Variants in IBTK observed in about 807,000 individuals in gnomAD.
IBTK encodes the protein BTK-binding protein.
In IBTK, 83 loss-of-function variants were observed where a neutral mutation model predicts 154.9. The observed-to-expected ratio is 0.54, with a 90% CI of 0.45 to 0.64. IBTK has a LOEUF of 0.64. Among genes scored for constraint, IBTK ranks in the 30% least tolerant of loss-of-function variants. The pLI is 0.00. For synonymous variants in IBTK, 515 were observed against 536.1 expected, an observed-to-expected ratio of 0.96 and a Z score of 0.54; for missense variants, 1,332 against 1,584.6, an observed-to-expected ratio of 0.84 and a Z score of 2.71.
chr6:82,184,938 T>C (rs1768484017), intron 25 of IBTK, among the ~76,000 whole-genome samples: 4 of 152,040 alleles, frequency 2.6e-5, no homozygotes, highest in South Asian at 4.1e-4. Context: ...TCCCAGCACT[T>C]TGGGAGGCCA....
At chr6:82,226,807 T>C (rs1214717195) in intron 5 of IBTK, among the ~76,000 whole-genome samples, 2 of 152,116 alleles carry the variant, frequency 1.3e-5, no homozygotes, top group Non-Finnish European at 2.9e-5. Flanking sequence ...GGTTTCTCCA[T>C]GTTGGCCAGG....
intron 11 of IBTK, among the ~76,000 whole-genome samples, chr6:82,215,255 TGAC>T (rs982265403): frequency 6.6e-6 from 1 of 152,076 alleles, no homozygotes; most frequent in African/African-American, 2.4e-5. Context: ...GGATGGATGA[TGAC>T]CCTACTTGCA....
At chr6:82,192,976 T>C (rs1306696528) in intron 23 of IBTK, among the ~76,000 whole-genome samples, 2 of 151,414 alleles carry the variant, frequency 1.3e-5, no homozygotes, top group Non-Finnish European at 2.9e-5. Flanking sequence ...CACGCGCCTG[T>C]AGTCCCAGCT....
At position 82,170,818 on chromosome 6, in the gene IBTK, T is replaced by C. The variant is rs1165982833; in HGVS notation, c.*607A>G. The stretch of plus-strand genomic sequence containing the variant: ...TTCTTATTCCCTTTCCACTGTACTC[T>C]ACTGCTCAATGCAAAATGGAGAATA... On this transcript the variant is annotated 3_prime_UTR_variant, in exon 29 of 29. Coordinates refer to ENST00000306270, the MANE Select transcript of IBTK (RefSeq NM_015525.4). 1 of 152,492 alleles carries C rather than the reference T, an allele frequency of 6.6e-6. No individual in the cohort carries two copies. Among genetic ancestry groups the C allele is most frequent in the African/African-American group, 2.4e-5 (1 of 41,452 alleles). 9.4% of individuals were successfully genotyped at this position (152,492 alleles called of 1,614,324 possible). A position where few individuals can be genotyped will look rare whatever the true frequency, so the allele number is the denominator to read the frequency against.
intron 25 of IBTK, among the ~76,000 whole-genome samples, chr6:82,186,802 GTACTAAGA>G (rs1423790716): frequency 6.6e-6 from 1 of 151,228 alleles, no homozygotes; most frequent in Non-Finnish European, 1.5e-5. Flanking sequence ...TTTTCTTAGT[GTACTAAGA>G]TACATAAAAC....
intron 1 of IBTK, among the ~76,000 whole-genome samples, chr6:82,245,981 A>C (rs531521551): frequency 6.0e-4 from 92 of 152,334 alleles, no homozygotes; most frequent in African/African-American, 2.2e-3. Context: ...TTTATACATT[A>C]TACACAGTGC....
At chr6:82,195,533 A>G (rs1307523717) in intron 22 of IBTK, among the ~76,000 whole-genome samples, 5 of 151,992 alleles carry the variant, frequency 3.3e-5, no homozygotes, top group Non-Finnish European at 5.9e-5. Flanking sequence ...AGCTGATACT[A>G]TACCACTGCA....
Position 82,201,397 on chromosome 6 carries a change from G to A in IBTK, c.2790+25C>T, listed in dbSNP as rs116532324. The stretch of plus-strand genomic sequence containing the variant: ...CTTAAGCTGGTAATATTATAGCCGC[G>A]AAAATCTTAAAACATAAACCTTACC... On this transcript the variant is annotated intron_variant, in intron 19 of 28. Transcript: ENST00000306270. The A allele has an allele frequency of 1.5e-4, 233 of 1,569,314 alleles. 1 individual carries two copies. The African/African-American group carries it at 2.2e-3, about 15-fold the overall frequency.
intron 26 of IBTK, among the ~76,000 whole-genome samples, chr6:82,178,855 A>T (rs1035410339): frequency 1.3e-5 from 2 of 152,240 alleles, no homozygotes; most frequent in African/African-American, 2.4e-5. Flanking sequence ...GGAAAGAAGG[A>T]AAGTGCATTT....
At chr6:82,175,849 G>C (rs1019741955) in intron 26 of IBTK, among the ~76,000 whole-genome samples, 6 of 152,040 alleles carry the variant, frequency 3.9e-5, no homozygotes, top group African/African-American at 1.4e-4. Flanking sequence ...GACCAACATG[G>C]AGAAATCCCA....
chr6:82,182,350 T>TA (rs918436450), intron 25 of IBTK, among the ~76,000 whole-genome samples: 5 of 151,662 alleles, frequency 3.3e-5, no homozygotes, highest in Non-Finnish European at 5.9e-5. Context: ...AAGAAACTAT[T>TA]AAAAAAAGAG....
At position 82,231,791 on chromosome 6, in the gene IBTK, T is replaced by C. The variant is rs1345710691; in HGVS notation, c.470A>G (p.His157Arg). The C allele has an allele frequency of 6.2e-7, 1 of 1,606,518 alleles. No homozygotes were observed. Among genetic ancestry groups the C allele is most frequent in the Non-Finnish European group, 8.5e-7 (1 of 1,174,816 alleles). The change falls in exon 4 of 29, where the codon CAT (histidine) becomes CGT (arginine). Residue 157 changes from histidine to arginine, a missense_variant. His to Arg is a conservative substitution (Grantham distance 29, BLOSUM62 0). Around this residue, in one of 3 missense-constraint regions of IBTK, gnomAD observed 114 missense variants for 213.7 expected, o/e 0.53. Coordinates refer to ENST00000306270, the MANE Select transcript of IBTK (RefSeq NM_015525.4). ...ATGATGTTTGCTATTCTGGCTTCCA[T>C]GACCCAGGGTAAAATTTGTATTATC... is the stretch of plus-strand genomic sequence containing the variant. ...WGDNTNFTLG[H>R]GSQNSKHHPE...
intron 26 of IBTK, among the ~76,000 whole-genome samples, chr6:82,177,868 T>C (rs1267821108): frequency 6.6e-6 from 1 of 152,140 alleles, no homozygotes; most frequent in Non-Finnish European, 1.5e-5. Flanking sequence ...GTAATTTCAT[T>C]CTTATTCTGT....
intron 3 of IBTK, 104 bp downstream of exon 3, chr6:82,234,055 T>TC: frequency 2.1e-6 from 1 of 466,366 alleles, no homozygotes; most frequent in Non-Finnish European, 4.0e-6. Context: ...TTACCAGTAT[T>TC]CTCGAACTCC....
chr6:82,186,011 C>A (rs975134970), intron 25 of IBTK, among the ~76,000 whole-genome samples: 4 of 152,066 alleles, frequency 2.6e-5, no homozygotes, highest in Non-Finnish European at 5.9e-5. Context: ...CCTGGTATTT[C>A]AAACTTTTTC....
intron 2 of IBTK, 118 bp downstream of exon 2, chr6:82,240,048 T>C (rs2127829369): frequency 4.0e-6 from 3 of 756,046 alleles, no homozygotes; most frequent in South Asian, 1.9e-5. Context: ...TAGTAAGAGA[T>C]AGCAAACAAG....
chr6:82,242,262 G>C (rs747849076), intron 1 of IBTK, among the ~76,000 whole-genome samples: 1 of 151,942 alleles, frequency 6.6e-6, no homozygotes, highest in East Asian at 1.9e-4. Flanking sequence ...TCAGCTACTC[G>C]AGAGGCTGAG....
intron 20 of IBTK, 126 bp downstream of exon 20, chr6:82,200,461 T>C (rs932985948): frequency 1.1e-6 from 1 of 934,326 alleles, no homozygotes. Flanking sequence ...TATGTCAGAA[T>C]TTCTCAATTT....
intron 24 of IBTK, 110 bp from the exon 25 acceptor site, chr6:82,191,326 A>C: frequency 1.2e-6 from 1 of 808,028 alleles, no homozygotes; most frequent in Non-Finnish European, 2.0e-6. Flanking sequence ...TGCTTAATAA[A>C]GGTTACTGGT....
Sources: gnomAD v4.1 joint callset for allele counts (sites outside exome capture counted in the v4.1 genomes callset) on GRCh38, gnomAD v4.1.1 for gene constraint, gnomAD v4.1.1 regional missense constraint, MANE v1.5 for transcripts, NCBI Gene and HGNC (gene_info 2026-07-23, HGNC 2026-07-21) for gene names.